The following RAB20 variants were observed in gnomAD, a reference collection of about 807,000 sequenced individuals.
The protein encoded by RAB20 is RAB20, member RAS oncogene family, also known as ras-related protein Rab-20.
RAB20 carries 2 observed loss-of-function variants against 3.7 expected under a neutral mutation model. The ratio of observed to expected loss-of-function variants is 0.54; its 90% confidence interval spans 0.22 to 1.69. The LOEUF (loss-of-function observed/expected upper bound fraction) is 1.69. RAB20 is among the 40% of genes most tolerant of loss of function. The probability of loss-of-function intolerance (pLI) is 0.19; values close to 1 mark genes in which losing one functional copy is unlikely to be tolerated. For missense variants in RAB20, 276 were observed against 311.9 expected, an observed-to-expected ratio of 0.88 and a Z score of 0.87; for synonymous variants, 126 against 130.8, an observed-to-expected ratio of 0.96 and a Z score of 0.25.
chr13:110,533,007 C>A (rs1884571108), intron 1 of RAB20, among the ~76,000 whole-genome samples: 1 of 152,184 alleles, frequency 6.6e-6, no homozygotes, highest in African/African-American at 2.4e-5. Flanking sequence ...AAGATGAGTT[C>A]TCTGCCTTGC....
chr13:110,537,665 T>C (rs953188105), intron 1 of RAB20, among the ~76,000 whole-genome samples: 2 of 151,748 alleles, frequency 1.3e-5, no homozygotes, highest in African/African-American at 4.8e-5. Flanking sequence ...TTGGGATGTA[T>C]GACATTCCGG....
chr13:110,538,960 G>A (rs553003440), intron 1 of RAB20, among the ~76,000 whole-genome samples: 2 of 152,332 alleles, frequency 1.3e-5, no homozygotes, highest in African/African-American at 4.8e-5. Context: ...ACATCCAGCA[G>A]CCGGATATGA....
At chr13:110,539,591 C>T (rs542397018) in intron 1 of RAB20, among the ~76,000 whole-genome samples, 2 of 143,702 alleles carry the variant, frequency 1.4e-5, no homozygotes, top group Admixed American at 7.2e-5. Flanking sequence ...TGGAGTCTCA[C>T]TCTTGTTGCC....
intron 1 of RAB20, among the ~76,000 whole-genome samples, chr13:110,539,415 GAA>G (rs1884713586): frequency 6.6e-6 from 1 of 151,760 alleles, no homozygotes. Flanking sequence ...TTTCCTTTTT[GAA>G]AAAAAGAGTC....
At chr13:110,556,626 C>T (rs1376365562) in intron 1 of RAB20, among the ~76,000 whole-genome samples, 1 of 152,170 alleles carries the variant, frequency 6.6e-6, no homozygotes, top group Non-Finnish European at 1.5e-5. Flanking sequence ...CTCAACCTCC[C>T]AGGCTCAAGA....
chr13:110,554,935 C>A (rs1278805814), intron 1 of RAB20, among the ~76,000 whole-genome samples: 1 of 152,036 alleles, frequency 6.6e-6, no homozygotes, highest in East Asian at 1.9e-4. Context: ...CAAGCAGCAT[C>A]CAGACCTTGG....
chr13:110,537,618 T>A (rs1046371082), intron 1 of RAB20, among the ~76,000 whole-genome samples: 1 of 151,482 alleles, frequency 6.6e-6, no homozygotes, highest in African/African-American at 2.4e-5. Flanking sequence ...AGGAGCTGCA[T>A]CCTCAATCAA....
Position 110,555,235 on chromosome 13 carries a change from T to C in RAB20, c.172+6113A>G, listed in dbSNP as rs1325938268. On this transcript the variant is annotated intron_variant, in intron 1 of 1. Transcript: ENST00000267328. The surrounding 1 kb of genome is among the most constrained non-coding windows in gnomAD (Gnocchi z 4.0). ...CCTGTTACACACAGGCCACACCTGC[T>C]CTCCCACCACAAACCTCCAACTACT... 1.3e-5 allele frequency among the ~76,000 whole-genome samples: 2 copies of C among 152,060 alleles called. No homozygotes were observed. The highest frequency in any genetic ancestry group is 2.9e-5 in the Non-Finnish European group (2 of 68,012).
intron 1 of RAB20, among the ~76,000 whole-genome samples, chr13:110,539,587 C>T (rs1370504809): frequency 7.3e-6 from 1 of 136,482 alleles, no homozygotes; most frequent in Non-Finnish European, 1.5e-5. Flanking sequence ...GAGATGGAGT[C>T]TCACTCTTGT....
chr13:110,524,159 G>C lies in RAB20; in HGVS notation c.211C>G (p.Arg71Gly). 2 of 1,604,490 alleles carry C rather than the reference G, an allele frequency of 1.2e-6. No individual in the cohort carries two copies. Among genetic ancestry groups the C allele is most frequent in the South Asian group, 1.1e-5 (1 of 90,914 alleles). The part of the protein sequence containing the change: ...QFHGLGSMYC[R>G]GAAAIILTYD... ...GTGAGGATGATGGCGGCCGCCCCCC[G>C]GCAGTACATGGAGCCCAGGCCGTGG... is the stretch of plus-strand genomic sequence containing the variant. The change falls in exon 2 of 2, where the codon CGG becomes GGG. Residue 71 changes from arginine (R) to glycine (G), a missense_variant. Physicochemically the swap from Arg to Gly is moderately radical, Grantham distance 125. Transcript: ENST00000267328.
At chr13:110,535,717 C>T (rs1300114172) in intron 1 of RAB20, among the ~76,000 whole-genome samples, 1 of 152,246 alleles carries the variant, frequency 6.6e-6, no homozygotes, top group African/African-American at 2.4e-5. Flanking sequence ...AGGCCTTCCA[C>T]GCAGTGGCTG....
At position 110,523,914 on chromosome 13, in the gene RAB20, C is replaced by G; in HGVS notation, c.456G>C (p.Glu152Asp). The G allele has an allele frequency of 6.2e-7, 1 of 1,614,252 alleles. No homozygotes were observed. Among genetic ancestry groups the G allele is most frequent in the Non-Finnish European group, 8.5e-7 (1 of 1,180,052 alleles). ...TCTTTTTATAAAGGGCCACCGCATC[C>G]TCCAGCTGCACCTGCTTAGGTGCCC... ...SPRAPKQVQLEDAVALYKKIL... is the reference protein window; with the variant it reads ...SPRAPKQVQLDDAVALYKKIL... The change falls in exon 2 of 2, where the codon GAG (glutamate) becomes GAC (aspartate). Residue 152 changes from glutamate (E) to aspartate (D), a missense_variant. Coordinates refer to ENST00000267328, the MANE Select transcript of RAB20 (RefSeq NM_017817.3).
chr13:110,546,865 G>A (rs1217545556), intron 1 of RAB20, among the ~76,000 whole-genome samples: 1 of 151,984 alleles, frequency 6.6e-6, no homozygotes, highest in Admixed American at 6.6e-5. Flanking sequence ...AGCCTCCCCA[G>A]TAGCTGAACC....
In RAB20 at chr13:110,534,462, G is replaced by A. The variant is rs932630059; in HGVS notation, c.173-10265C>T. On this transcript the variant is annotated intron_variant, in intron 1 of 1. Coordinates refer to ENST00000267328, the MANE Select transcript of RAB20 (RefSeq NM_017817.3). ...GGTGCTGCCACCGTGATGTACGAGT[G>A]TGCCGGTCAAGGGTGCCGACCACGC... is the stretch of plus-strand genomic sequence containing the variant. 3.9e-5 allele frequency among the ~76,000 whole-genome samples: 6 copies of A among 152,206 alleles called. No individual in the cohort carries two copies. In the East Asian group the frequency reaches 1.2e-3, roughly 29 times the overall value.
intron 1 of RAB20, among the ~76,000 whole-genome samples, chr13:110,548,111 A>C (rs1489408048): frequency 3.3e-5 from 5 of 152,216 alleles, no homozygotes; most frequent in African/African-American, 1.2e-4. Context: ...AAAATAAAAG[A>C]CACTGTTATC....
intron 1 of RAB20, among the ~76,000 whole-genome samples, chr13:110,541,546 A>G (rs1287291527): frequency 6.6e-6 from 1 of 152,176 alleles, no homozygotes; most frequent in Admixed American, 6.5e-5. Context: ...TGACAATGTC[A>G]ATTTGGAAAG....
chr13:110,523,379 C>A lies in RAB20; in HGVS notation c.*286G>T, dbSNP rs1003159114. On this transcript the variant is annotated 3_prime_UTR_variant, in exon 2 of 2. Coordinates refer to ENST00000267328, the MANE Select transcript of RAB20 (RefSeq NM_017817.3). ...GCCGTTGGTGGCTGGCTGCAAAGGA[C>A]CAGTGCCAGGCAGCGGGGCAGAGAG... is the stretch of plus-strand genomic sequence containing the variant. 2 of 578,366 alleles carry A rather than the reference C, an allele frequency of 3.5e-6. No individual in the cohort carries two copies. Among genetic ancestry groups the A allele is most frequent in the African/African-American group, 3.7e-5 (2 of 53,562 alleles). The allele number at this position is 578,366 out of a possible 1,614,324, so 35.8% of individuals were successfully genotyped here.
chr13:110,524,227 G>A (rs1594126612), intron 1 of RAB20, 30 bp from the exon 2 acceptor site: 2 of 1,549,756 alleles, frequency 1.3e-6, no homozygotes, highest in Non-Finnish European at 1.7e-6. Context: ...AGAAAGAGTG[G>A]TTATCTCTCA....
intron 1 of RAB20, among the ~76,000 whole-genome samples, chr13:110,561,115 A>G (rs905069578): frequency 6.6e-6 from 1 of 152,328 alleles, no homozygotes; most frequent in East Asian, 1.9e-4. Context: ...GCTTAGGTAC[A>G]CAAATGACCA....
Sources: allele counts gnomAD v4.1 joint callset (sites outside exome capture counted in the v4.1 genomes callset), GRCh38; gene constraint gnomAD v4.1.1; non-coding constraint Gnocchi (gnomAD v3.1); transcripts MANE v1.5; gene names NCBI Gene and HGNC (gene_info 2026-07-23, HGNC 2026-07-21).